The following NEGR1 variants were observed in gnomAD, a reference collection of about 807,000 sequenced individuals.
NEGR1 encodes IgLON family member 4.
Under a neutral mutation model 40.9 loss-of-function variants are expected in NEGR1, and 10 were observed. The observed-to-expected ratio is 0.24, with a 90% CI of 0.15 to 0.42. The LOEUF (loss-of-function observed/expected upper bound fraction) is 0.42. NEGR1 is among the 10% of genes least tolerant of loss of function. The probability of loss-of-function intolerance (pLI) is 1.00; values close to 1 mark genes in which losing one functional copy is unlikely to be tolerated. For missense variants in NEGR1, 352 were observed against 438.9 expected, an observed-to-expected ratio of 0.80 and a Z score of 1.77; for synonymous variants, 185 against 166.8, an observed-to-expected ratio of 1.11 and a Z score of -0.84.
At chr1:72,261,432 A>T (rs1348983213) in intron 1 of NEGR1, among the ~76,000 whole-genome samples, 1 of 152,152 alleles carries the variant, frequency 6.6e-6, no homozygotes, top group African/African-American at 2.4e-5. Flanking sequence ...AATACTTCTC[A>T]GAAAAAAATC....
chr1:71,820,022 A>T (rs970126669), intron 2 of NEGR1, among the ~76,000 whole-genome samples: 3 of 152,028 alleles, frequency 2.0e-5, no homozygotes, highest in African/African-American at 7.2e-5. Flanking sequence ...GTGGATAATA[A>T]GATTTCAAAA....
intron 5 of NEGR1, among the ~76,000 whole-genome samples, chr1:71,593,471 T>C (rs1325814933): frequency 6.6e-6 from 1 of 152,160 alleles, no homozygotes; most frequent in Non-Finnish European, 1.5e-5. Context: ...AACACCACTT[T>C]ACTCTTGTAC....
At chr1:72,201,115 C>T (rs1029783764) in intron 1 of NEGR1, among the ~76,000 whole-genome samples, 1 of 151,702 alleles carries the variant, frequency 6.6e-6, no homozygotes, top group African/African-American at 2.4e-5. Context: ...CTAATGCCTT[C>T]ATTTTACATT....
At chr1:71,536,934 C>A (rs1369624832) in intron 6 of NEGR1, among the ~76,000 whole-genome samples, 3 of 151,616 alleles carry the variant, frequency 2.0e-5, no homozygotes, top group African/African-American at 7.3e-5. Flanking sequence ...TGAGAAAATA[C>A]ATTGTAGGTA....
At chr1:72,199,655 AAC>A (rs1396396388) in intron 1 of NEGR1, among the ~76,000 whole-genome samples, 4 of 152,030 alleles carry the variant, frequency 2.6e-5, no homozygotes, top group Non-Finnish European at 5.9e-5. Flanking sequence ...CTACCTTAAA[AAC>A]AAATCTATGA....
intron 6 of NEGR1, among the ~76,000 whole-genome samples, chr1:71,446,594 T>G (rs1270282539): frequency 2.0e-5 from 3 of 152,212 alleles, no homozygotes; most frequent in African/African-American, 7.2e-5. Context: ...TTAGTTAGAT[T>G]TTAATTAAAG....
At chr1:71,943,691 CA>C (rs1645992913) in intron 1 of NEGR1, among the ~76,000 whole-genome samples, 1 of 152,084 alleles carries the variant, frequency 6.6e-6, no homozygotes, top group East Asian at 1.9e-4. Flanking sequence ...AAGAAACTAA[CA>C]AAGTCTGAAT....
chr1:71,689,855 T>C lies in NEGR1; in HGVS notation c.667+8153A>G, dbSNP rs185428693. Among the ~76,000 whole-genome samples the C allele has an allele frequency of 2.6e-3, 400 of 151,538 alleles. 1 individual carries two copies. Among genetic ancestry groups the C allele is most frequent in the African/African-American group, 9.3e-3 (384 of 41,434 alleles). ...TAAATGTAATGTAAATTAATTAACA[T>C]TAAATAAATGTAAGTAAAATAACAG... On this transcript the variant is annotated intron_variant, in intron 4 of 6. Coordinates refer to ENST00000357731, the MANE Select transcript of NEGR1 (RefSeq NM_173808.3).
intron 2 of NEGR1, among the ~76,000 whole-genome samples, chr1:71,864,218 G>A (rs1445775364): frequency 6.6e-6 from 1 of 152,104 alleles, no homozygotes; most frequent in Non-Finnish European, 1.5e-5. Context: ...CTCATGCTAA[G>A]TGATCTGCAG....
Position 71,483,569 on chromosome 1 carries a change from T to C in NEGR1, c.941-75999A>G, listed in dbSNP as rs959388304. Among the ~76,000 whole-genome samples, 10 of 151,316 alleles carry C rather than the reference T, an allele frequency of 6.6e-5. No individual in the cohort carries two copies. The South Asian group carries it at 1.2e-3, about 19-fold the overall frequency. On this transcript the variant is annotated intron_variant, in intron 6 of 6. Transcript: ENST00000357731. ...GTATGTAGATCTATCCATACAAAGGTATCAAACTTTTAAGTCATATGTGGC... is the reference window on the plus strand; with the variant it reads ...GTATGTAGATCTATCCATACAAAGGCATCAAACTTTTAAGTCATATGTGGC...
At chr1:71,562,112 G>C (rs1246081956) in intron 6 of NEGR1, among the ~76,000 whole-genome samples, 4 of 151,562 alleles carry the variant, frequency 2.6e-5, no homozygotes, top group Non-Finnish European at 4.4e-5. Context: ...AGCCAAAAAC[G>C]TTTCTAGTGA....
At position 71,399,833 on chromosome 1, in the gene NEGR1, A is replaced by G. The variant is rs1646235575; in HGVS notation, c.*7613T>C. ...TCCACACTTATGAAACTACTTAGAA[A>G]ACTATGGAAGAGTTCTGTGGCTCTT... On this transcript the variant is annotated 3_prime_UTR_variant, in exon 7 of 7. Transcript: ENST00000357731. 6.6e-6 allele frequency: 1 copy of G among 152,206 alleles called. No homozygotes were observed. The highest frequency in any genetic ancestry group is 1.5e-5 in the Non-Finnish European group (1 of 68,038). The allele number at this position is 152,206 out of a possible 1,614,324, so 9.4% of individuals were successfully genotyped here. A position where few individuals can be genotyped will look rare whatever the true frequency, so the allele number is the denominator to read the frequency against.
intron 2 of NEGR1, among the ~76,000 whole-genome samples, chr1:71,897,258 G>C (rs575709064): frequency 1.3e-5 from 2 of 151,820 alleles, no homozygotes; most frequent in Non-Finnish European, 2.9e-5. Context: ...TCCATTTCCC[G>C]ACATGAATAT....
chr1:72,075,674 C>T (rs1647698579), intron 1 of NEGR1, among the ~76,000 whole-genome samples: 1 of 152,142 alleles, frequency 6.6e-6, no homozygotes, highest in Non-Finnish European at 1.5e-5. Flanking sequence ...TAAAGTTATG[C>T]CTGCTGCTAT....
intron 6 of NEGR1, among the ~76,000 whole-genome samples, chr1:71,554,521 G>A (rs1648189837): frequency 6.6e-6 from 1 of 151,300 alleles, no homozygotes; most frequent in Admixed American, 6.6e-5. Flanking sequence ...ATTGTTCAAG[G>A]GGTGAAGAGT....
intron 1 of NEGR1, among the ~76,000 whole-genome samples, chr1:72,053,463 A>G (rs1180512804): frequency 6.6e-6 from 1 of 151,218 alleles, no homozygotes; most frequent in Non-Finnish European, 1.5e-5. Context: ...AGGAAAAATC[A>G]TAATTATACT....
intron 1 of NEGR1, among the ~76,000 whole-genome samples, chr1:72,096,976 C>T (rs1397276091): frequency 6.6e-6 from 1 of 151,984 alleles, no homozygotes; most frequent in Non-Finnish European, 1.5e-5. Context: ...GCCACCGCAC[C>T]CAGCTGTAGT....
intron 5 of NEGR1, among the ~76,000 whole-genome samples, chr1:71,597,131 C>T (rs1229528798): frequency 6.6e-6 from 1 of 152,002 alleles, no homozygotes; most frequent in East Asian, 1.9e-4. Context: ...ACTAAAGATA[C>T]AGCTCAAATT....
intron 6 of NEGR1, among the ~76,000 whole-genome samples, chr1:71,419,970 T>C (rs1646384051): frequency 6.6e-6 from 1 of 151,240 alleles, no homozygotes; most frequent in African/African-American, 2.4e-5. Context: ...CAGACACTAG[T>C]CAAGATGGTA....
Sources: gnomAD v4.1 joint callset for allele counts (sites outside exome capture counted in the v4.1 genomes callset) on GRCh38, gnomAD v4.1.1 for gene constraint, MANE v1.5 for transcripts, NCBI Gene and HGNC (gene_info 2026-07-23, HGNC 2026-07-21) for gene names.